The following CHCHD6 variants were observed in gnomAD, a reference collection of about 807,000 sequenced individuals.
CHCHD6 encodes the protein MICOS complex subunit MIC25.
Under a neutral mutation model 32.3 loss-of-function variants are expected in CHCHD6, and 28 were observed. The ratio of observed to expected loss-of-function variants is 0.87; its 90% confidence interval spans 0.64 to 1.19. The LOEUF is 1.19. CHCHD6 is among the 50% of genes most tolerant of loss of function. The pLI is 0.00. For synonymous variants in CHCHD6, 122 were observed against 117.5 expected, an observed-to-expected ratio of 1.04 and a Z score of -0.25; for missense variants, 333 against 307.0, an observed-to-expected ratio of 1.08 and a Z score of -0.63.
intron 4 of CHCHD6, among the ~76,000 whole-genome samples, chr3:126,757,815 A>G (rs967764175): frequency 1.1e-4 from 16 of 152,194 alleles, no homozygotes; most frequent in African/African-American, 3.9e-4. Context: ...AGCTGCCGAC[A>G]GGGGTATCTT....
chr3:126,933,042 T>A (rs1048073134), intron 6 of CHCHD6, among the ~76,000 whole-genome samples: 7 of 151,976 alleles, frequency 4.6e-5, no homozygotes, highest in Non-Finnish European at 5.9e-5. Flanking sequence ...GAGAGTGAGA[T>A]CATGTCTGTG....
chr3:126,758,371 C>T (rs910609025), intron 4 of CHCHD6, among the ~76,000 whole-genome samples: 34 of 152,344 alleles, frequency 2.2e-4, no homozygotes, highest in African/African-American at 7.5e-4. Flanking sequence ...CATTACAAAT[C>T]ACAGTGGTGT....
intron 1 of CHCHD6, among the ~76,000 whole-genome samples, chr3:126,717,002 A>G (rs1247876715): frequency 6.6e-6 from 1 of 152,086 alleles, no homozygotes; most frequent in Admixed American, 6.6e-5. Context: ...TAGCAGGTGC[A>G]TCTCCCCTTG....
intron 4 of CHCHD6, among the ~76,000 whole-genome samples, chr3:126,820,463 T>C (rs1448392608): frequency 6.6e-6 from 1 of 152,196 alleles, no homozygotes; most frequent in Non-Finnish European, 1.5e-5. Flanking sequence ...TCTGTGGACT[T>C]GGAAGAATAC....
intron 6 of CHCHD6, among the ~76,000 whole-genome samples, chr3:126,915,440 T>C (rs2078154879): frequency 6.6e-6 from 1 of 152,180 alleles, no homozygotes; most frequent in African/African-American, 2.4e-5. Flanking sequence ...CAGAAAGTGA[T>C]TCTTGTGGGA....
chr3:126,921,389 G>T (rs781729868), intron 6 of CHCHD6, among the ~76,000 whole-genome samples: 1 of 144,474 alleles, frequency 6.9e-6, no homozygotes, highest in Non-Finnish European at 1.5e-5. Flanking sequence ...GTACACCCCC[G>T]CCCACCCACC....
intron 6 of CHCHD6, chr3:126,949,979 A>T (rs923057688): frequency 6.5e-6 from 1 of 152,898 alleles, no homozygotes; most frequent in Admixed American, 6.5e-5. Context: ...TCATAGAAGG[A>T]AGGGAAGTCT....
chr3:126,759,147 A>C (rs1937073589), intron 4 of CHCHD6, among the ~76,000 whole-genome samples: 1 of 152,144 alleles, frequency 6.6e-6, no homozygotes, highest in African/African-American at 2.4e-5. Flanking sequence ...GTGTTCTTGT[A>C]ATCCAGTGGT....
chr3:126,789,391 C>G (rs1035800102), intron 4 of CHCHD6, among the ~76,000 whole-genome samples: 1 of 152,108 alleles, frequency 6.6e-6, no homozygotes, highest in African/African-American at 2.4e-5. Flanking sequence ...AACTTTCTGT[C>G]TCGTTGATCT....
chr3:126,742,811 A>T (rs1402781206), intron 4 of CHCHD6, among the ~76,000 whole-genome samples: 1 of 152,170 alleles, frequency 6.6e-6, no homozygotes, highest in Non-Finnish European at 1.5e-5. Context: ...ATGAGAAATA[A>T]ATTCTTTTTC....
At chr3:126,806,655 C>G (rs1007494076) in intron 4 of CHCHD6, among the ~76,000 whole-genome samples, 1 of 152,064 alleles carries the variant, frequency 6.6e-6, no homozygotes, top group African/African-American at 2.4e-5. Flanking sequence ...CCTCAGGGAT[C>G]TAGAACTAGA....
chr3:126,748,623 A>G (rs1022755143), intron 4 of CHCHD6, among the ~76,000 whole-genome samples: 36 of 151,864 alleles, frequency 2.4e-4, no homozygotes, highest in Non-Finnish European at 4.1e-4. Flanking sequence ...GAAAGAAAAG[A>G]AATTACCATG....
chr3:126,783,735 T>G (rs1938060598), intron 4 of CHCHD6, among the ~76,000 whole-genome samples: 1 of 149,596 alleles, frequency 6.7e-6, no homozygotes, highest in Non-Finnish European at 1.5e-5. Flanking sequence ...GCTACTTGGT[T>G]TGGAGCCTCA....
chr3:126,914,706 A>C lies in CHCHD6; in HGVS notation c.522A>C (p.Ser174=), dbSNP rs773271241. ...RKNAEMYKLS[S]EQFHEAASKM... is the part of the protein sequence containing the mutation. The stretch of plus-strand genomic sequence containing the variant: ...ATGCTGAGATGTATAAACTGTCTTC[A>C]GAGCAATTCCATGAGGCAGCCTCAA... Residue 174 remains serine (S), a synonymous_variant, in exon 6 of 8, where the codon TCA becomes TCC. Coordinates refer to ENST00000290913, the MANE Select transcript of CHCHD6 (RefSeq NM_032343.3). 1.3e-4 allele frequency: 205 copies of C among 1,597,480 alleles called. No individual in the cohort carries two copies. Among genetic ancestry groups the C allele is most frequent in the Non-Finnish European group, 1.7e-4 (203 of 1,164,890 alleles).
intron 4 of CHCHD6, among the ~76,000 whole-genome samples, chr3:126,812,707 C>T (rs537860487): frequency 1.1e-3 from 162 of 152,230 alleles, no homozygotes; most frequent in Non-Finnish European, 1.8e-3. Context: ...GCTGGGATTA[C>T]AAGCATGAGC....
intron 4 of CHCHD6, among the ~76,000 whole-genome samples, chr3:126,735,946 C>T (rs1048077311): frequency 4.6e-5 from 7 of 152,144 alleles, no homozygotes; most frequent in African/African-American, 1.7e-4. Context: ...ATTCAATACT[C>T]AGTACAAACA....
intron 1 of CHCHD6, among the ~76,000 whole-genome samples, chr3:126,712,134 G>A (rs1934776706): frequency 6.6e-6 from 1 of 152,182 alleles, no homozygotes; most frequent in Admixed American, 6.5e-5. Flanking sequence ...TAGATTTCCC[G>A]CTGGTGCGTT....
intron 7 of CHCHD6, among the ~76,000 whole-genome samples, chr3:126,959,596 G>A (rs1055375345): frequency 1.3e-5 from 2 of 152,214 alleles, no homozygotes; most frequent in Non-Finnish European, 2.9e-5. Context: ...CCTTGGGGTG[G>A]GGCAGCACTG....
intron 5 of CHCHD6, among the ~76,000 whole-genome samples, chr3:126,886,110 G>A (rs573662949): frequency 6.6e-6 from 1 of 152,306 alleles, no homozygotes; most frequent in Non-Finnish European, 1.5e-5. Context: ...ACTGCTGTAT[G>A]AACACTGTTT....
Sources: allele counts gnomAD v4.1 joint callset (sites outside exome capture counted in the v4.1 genomes callset), GRCh38; gene constraint gnomAD v4.1.1; transcripts MANE v1.5; gene names NCBI Gene and HGNC (gene_info 2026-07-23, HGNC 2026-07-21).